The following PSMA8 variants were observed in gnomAD, a reference collection of about 807,000 sequenced individuals.
PSMA8 encodes proteasome subunit alpha-type 8.
PSMA8 carries 18 observed loss-of-function variants against 32.4 expected under a neutral mutation model. That is an observed-to-expected ratio of 0.56 (90% CI 0.38 to 0.82). The LOEUF (loss-of-function observed/expected upper bound fraction) is 0.82. Among genes scored for constraint, PSMA8 ranks in the 40% least tolerant of loss-of-function variants. The pLI is 0.00. For synonymous variants in PSMA8, 104 were observed against 98.1 expected, an observed-to-expected ratio of 1.06 and a Z score of -0.36; for missense variants, 298 against 300.7, an observed-to-expected ratio of 0.99 and a Z score of 0.07.
At chr18:26,190,659 G>A (rs943448207) in intron 6 of PSMA8, among the ~76,000 whole-genome samples, 3 of 152,186 alleles carry the variant, frequency 2.0e-5, no homozygotes, top group African/African-American at 7.2e-5. Context: ...TGAGGCGGTA[G>A]GATGGCTTGA....
At position 26,134,029 on chromosome 18, in the gene PSMA8, G is replaced by A; in HGVS notation, c.64G>A (p.Glu22Lys). 1 of 1,614,018 alleles carries A rather than the reference G, an allele frequency of 6.2e-7. No homozygotes were observed. Among genetic ancestry groups the A allele is most frequent in the Non-Finnish European group, 8.5e-7 (1 of 1,179,950 alleles). The change falls in exon 1 of 7, where the codon GAA (glutamate) becomes AAA (lysine). Residue 22 changes from glutamate to lysine, a missense_variant. Transcript: ENST00000415576. Reference sequence around the variant, plus strand: ...CCCAGACGGACACCTTTTTCAAGTTGAATATGCCCAGGAAGCGGTGAAGAA... The same window carrying A: ...CCCAGACGGACACCTTTTTCAAGTTAAATATGCCCAGGAAGCGGTGAAGAA... ...FSPDGHLFQV[E>K]YAQEAVKKGS...
At chr18:26,190,790 G>A (rs571703720) in intron 6 of PSMA8, among the ~76,000 whole-genome samples, 4 of 152,274 alleles carry the variant, frequency 2.6e-5, no homozygotes, top group African/African-American at 9.6e-5. Context: ...TTCAAAGGAG[G>A]AAATTATTTC....
At chr18:26,143,874 A>G (rs1023076477) in intron 1 of PSMA8, among the ~76,000 whole-genome samples, 11 of 152,084 alleles carry the variant, frequency 7.2e-5, no homozygotes, top group Admixed American at 7.2e-4. Context: ...GGTGCCTGCC[A>G]CTATGCCCGG....
rs1468309440 is a variant in PSMA8 at position 26,192,610 on chromosome 18, A to G, written c.*199A>G. On this transcript the variant is annotated 3_prime_UTR_variant, in exon 7 of 7. Coordinates refer to ENST00000415576, the MANE Select transcript of PSMA8 (RefSeq NM_001025096.2). ...TAGGTTTATGTGAAGATTTTCTTTGAAAGGGGATTTCAGTAATTGTTGAGA... is the reference window on the plus strand; with the variant it reads ...TAGGTTTATGTGAAGATTTTCTTTGGAAGGGGATTTCAGTAATTGTTGAGA... 1 of 459,972 alleles carries G rather than the reference A, an allele frequency of 2.2e-6. No homozygotes were observed. Among genetic ancestry groups the G allele is most frequent in the African/African-American group, 2.0e-5 (1 of 48,982 alleles). The allele number at this position is 459,972 out of a possible 1,614,324, so 28.5% of individuals were successfully genotyped here.
chr18:26,145,501 C>G (rs565014008), intron 2 of PSMA8, among the ~76,000 whole-genome samples: 23 of 152,324 alleles, frequency 1.5e-4, no homozygotes, highest in Non-Finnish European at 2.6e-4. Context: ...TCTTCCATCA[C>G]CACAAGACTA....
At chr18:26,165,348 A>C (rs913052198) in intron 4 of PSMA8, among the ~76,000 whole-genome samples, 3 of 152,272 alleles carry the variant, frequency 2.0e-5, no homozygotes, top group Non-Finnish European at 4.4e-5. Context: ...TGAGAGAAGT[A>C]AAACAAATAC....
Position 26,191,755 on chromosome 18 carries a change from A to C in PSMA8, c.661-564A>C, listed in dbSNP as rs549844151. Among the ~76,000 whole-genome samples, 44 of 152,292 alleles carry C rather than the reference A, an allele frequency of 2.9e-4. No individual in the cohort carries two copies. In the East Asian group the frequency reaches 7.5e-3, roughly 26 times the overall value. On this transcript the variant is annotated intron_variant, in intron 6 of 6. Coordinates refer to ENST00000415576, the MANE Select transcript of PSMA8 (RefSeq NM_001025096.2). Reference sequence around the variant, plus strand: ...CAGGCCTGAGTCACCAGGTTTGGCCAATAATTGCTGTCTTATAGCCGCAAG... The same window carrying C: ...CAGGCCTGAGTCACCAGGTTTGGCCCATAATTGCTGTCTTATAGCCGCAAG...
chr18:26,155,250 T>G (rs113496273), intron 3 of PSMA8, among the ~76,000 whole-genome samples: 1 of 151,654 alleles, frequency 6.6e-6, no homozygotes, highest in African/African-American at 2.4e-5. Context: ...AAGAAAAGGC[T>G]CATTAAGGAA....
In PSMA8 at chr18:26,185,828, A is replaced by C. The variant is rs143837498; in HGVS notation, c.661-6491A>C. The stretch of plus-strand genomic sequence containing the variant: ...TTCTTTACAGAGTTTTAATTTGTGG[A>C]TCTTGAATAACTTATTTGTTTTCAT... On this transcript the variant is annotated intron_variant, in intron 6 of 6. Coordinates refer to ENST00000415576, the MANE Select transcript of PSMA8 (RefSeq NM_001025096.2). Among the ~76,000 whole-genome samples, 810 of 150,798 alleles carry C rather than the reference A, an allele frequency of 5.4e-3. 39 individuals carry two copies. The highest frequency in any genetic ancestry group is 0.019 in the African/African-American group (761 of 40,868).
intron 1 of PSMA8, among the ~76,000 whole-genome samples, chr18:26,143,364 G>A (rs940205063): frequency 6.6e-5 from 10 of 152,142 alleles, no homozygotes; most frequent in African/African-American, 2.2e-4. Context: ...ATGATGGAAT[G>A]GCATCCTGTC....
intron 6 of PSMA8, 34 bp downstream of exon 6, chr18:26,179,164 T>C (rs751357277): frequency 1.3e-6 from 2 of 1,535,998 alleles, no homozygotes; most frequent in Non-Finnish European, 1.8e-6. Context: ...AAAGTATCTG[T>C]AGTATAAAGT....
intron 4 of PSMA8, among the ~76,000 whole-genome samples, chr18:26,160,147 T>C (rs1485544391): frequency 4.6e-5 from 7 of 152,026 alleles, no homozygotes; most frequent in Non-Finnish European, 8.8e-5. Flanking sequence ...ACAAAAACAA[T>C]TTAAATCTTA....
chr18:26,135,824 C>G (rs1486807804), intron 1 of PSMA8, among the ~76,000 whole-genome samples: 1 of 152,044 alleles, frequency 6.6e-6, no homozygotes, highest in Admixed American at 6.5e-5. Context: ...TATAAAAATA[C>G]CTATAGTGGG....
chr18:26,165,172 G>A (rs1202039410), intron 4 of PSMA8, among the ~76,000 whole-genome samples: 1 of 152,162 alleles, frequency 6.6e-6, no homozygotes, highest in Non-Finnish European at 1.5e-5. Context: ...GCTTCCGAAA[G>A]TGCTGGGATT....
chr18:26,137,792 T>C (rs1199276034), intron 1 of PSMA8, among the ~76,000 whole-genome samples: 1 of 152,156 alleles, frequency 6.6e-6, no homozygotes, highest in Non-Finnish European at 1.5e-5. Flanking sequence ...ATTACATAAA[T>C]AGTCCTAAGA....
intron 4 of PSMA8, among the ~76,000 whole-genome samples, chr18:26,172,860 C>G (rs974005752): frequency 6.6e-6 from 1 of 152,058 alleles, no homozygotes; most frequent in Admixed American, 6.6e-5. Context: ...AGCTAAGAAA[C>G]CCTGAACTTG....
intron 4 of PSMA8, among the ~76,000 whole-genome samples, chr18:26,177,728 A>G (rs1162737320): frequency 6.6e-6 from 1 of 152,222 alleles, no homozygotes; most frequent in Non-Finnish European, 1.5e-5. Context: ...GTCAAAGATG[A>G]TAACAAATCA....
chr18:26,184,008 A>T (rs2055333387), intron 6 of PSMA8, among the ~76,000 whole-genome samples: 1 of 150,920 alleles, frequency 6.6e-6, no homozygotes, highest in Admixed American at 6.6e-5. Context: ...TTTTAGCAAT[A>T]AAGTGTTTTC....
chr18:26,149,279 A>G (rs1224394878), intron 2 of PSMA8, among the ~76,000 whole-genome samples: 1 of 152,226 alleles, frequency 6.6e-6, no homozygotes. Flanking sequence ...TACTCTGAAA[A>G]ATGCAAAACA....
Sources: gnomAD v4.1 joint callset for allele counts (sites outside exome capture counted in the v4.1 genomes callset) on GRCh38, gnomAD v4.1.1 for gene constraint, MANE v1.5 for transcripts, NCBI Gene and HGNC (gene_info 2026-07-23, HGNC 2026-07-21) for gene names.